The following NAV2 variants were observed in gnomAD, a reference collection of about 807,000 sequenced individuals.
NAV2 encodes the protein helicase, APC down-regulated 1.
Under a neutral mutation model 223.2 loss-of-function variants are expected in NAV2, and 54 were observed. The observed-to-expected ratio is 0.24, with a 90% CI of 0.19 to 0.30. NAV2 has a LOEUF of 0.30. Ranked by LOEUF, NAV2 falls within the 10% of genes least tolerant of loss-of-function variation. The pLI is 1.00. For missense variants in NAV2, 2,806 were observed against 3,147.5 expected (o/e 0.89, Z 2.60); for synonymous variants, 1,279 against 1,239.3 (o/e 1.03, Z -0.67).
intron 11 of NAV2, among the ~76,000 whole-genome samples, chr11:20,009,966 T>A (rs1376604830): frequency 1.3e-5 from 2 of 151,618 alleles, no homozygotes; most frequent in Non-Finnish European, 2.9e-5. Flanking sequence ...AAATACATCC[T>A]ATTATAACTG....
At chr11:19,549,817 C>A (rs1163992653) in intron 1 of NAV2, among the ~76,000 whole-genome samples, 2 of 152,256 alleles carry the variant, frequency 1.3e-5, no homozygotes, top group African/African-American at 4.8e-5. Context: ...TCTGCCCCAC[C>A]AAGGGCACCA....
chr11:19,864,170 C>G (rs2061954711), intron 3 of NAV2, among the ~76,000 whole-genome samples: 1 of 152,352 alleles, frequency 6.6e-6, no homozygotes, highest in East Asian at 1.9e-4. Flanking sequence ...CTGTTTGCCT[C>G]TCCTTCCAGA....
At chr11:19,747,471 G>A (rs2053469902) in intron 1 of NAV2, among the ~76,000 whole-genome samples, 1 of 152,116 alleles carries the variant, frequency 6.6e-6, no homozygotes, top group African/African-American at 2.4e-5. Context: ...AGCAGATATA[G>A]GAGTCAAATT....
intron 1 of NAV2, among the ~76,000 whole-genome samples, chr11:19,373,082 T>C (rs778801201): frequency 6.6e-6 from 1 of 152,236 alleles, no homozygotes; most frequent in Non-Finnish European, 1.5e-5. Context: ...CATCTTTCCA[T>C]GTGATGTTCA....
intron 1 of NAV2, among the ~76,000 whole-genome samples, chr11:19,682,916 A>G (rs1039362881): frequency 6.6e-6 from 1 of 152,162 alleles, no homozygotes; most frequent in Non-Finnish European, 1.5e-5. Flanking sequence ...CATTTTGCCC[A>G]TTTTTCAGAT....
At chr11:20,044,297 C>G (rs1442154711) in intron 13 of NAV2, 25 bp downstream of exon 13, 1 of 1,575,966 alleles carries the variant, frequency 6.3e-7, no homozygotes, top group Admixed American at 1.8e-5. Context: ...CTGTCTTGGC[C>G]CTACAGTTGA....
intron 1 of NAV2, among the ~76,000 whole-genome samples, chr11:19,463,885 C>T (rs933344775): frequency 4.6e-5 from 7 of 151,980 alleles, no homozygotes; most frequent in African/African-American, 9.7e-5. Context: ...CCTTCCTGGC[C>T]ATGCTGAAGT....
chr11:19,621,106 G>T (rs908490030), intron 1 of NAV2, among the ~76,000 whole-genome samples: 1 of 152,198 alleles, frequency 6.6e-6, no homozygotes, highest in Non-Finnish European at 1.5e-5. Flanking sequence ...TCCCAGGAAA[G>T]AAGCCCACTT....
chr11:19,366,296 G>A (rs1403497474), intron 1 of NAV2, among the ~76,000 whole-genome samples: 2 of 152,200 alleles, frequency 1.3e-5, no homozygotes, highest in Non-Finnish European at 2.9e-5. Context: ...CCCAAAGACT[G>A]TGCCCCTCTG....
chr11:19,809,779 A>G (rs958221023), intron 1 of NAV2, among the ~76,000 whole-genome samples: 4 of 125,494 alleles, frequency 3.2e-5, no homozygotes, highest in African/African-American at 9.9e-5. Context: ...TAGAATGGAC[A>G]TCATCGCTAT....
At position 19,661,500 on chromosome 11, in the gene NAV2, G is replaced by A. The variant is rs555932174; in HGVS notation, c.76-170984G>A. On this transcript the variant is annotated intron_variant, in intron 1 of 37. Coordinates refer to the NAV2 transcript ENST00000360655. ...GTACAGTATTTAAACTTGTCAGAGC[G>A]CTTTGAAACTAAGGTGTAAAGGAAA... Among the ~76,000 whole-genome samples the A allele has an allele frequency of 5.4e-5, 8 of 148,462 alleles. No individual in the cohort carries two copies. In the South Asian group the frequency reaches 1.1e-3, roughly 21 times the overall value.
chr11:19,956,621 G>A (rs1047668011), intron 10 of NAV2, among the ~76,000 whole-genome samples: 6 of 152,148 alleles, frequency 3.9e-5, no homozygotes, highest in Admixed American at 2.0e-4. Flanking sequence ...GCCAGATGAA[G>A]AGGTGCATAG....
At chr11:19,616,159 G>T (rs896509977) in intron 1 of NAV2, among the ~76,000 whole-genome samples, 8 of 152,062 alleles carry the variant, frequency 5.3e-5, no homozygotes, top group Non-Finnish European at 1.2e-4. Context: ...TAGACTGTAT[G>T]AATGTGTATT....
At chr11:20,114,566 A>G in intron 36 of NAV2, 26 bp from the exon 37 acceptor site, 1 of 1,611,940 alleles carries the variant, frequency 6.2e-7, no homozygotes, top group South Asian at 1.1e-5. Context: ...CCACTTCCAG[A>G]CTGTTCCTTC....
chr11:19,785,937 TC>T (rs1207933679), intron 1 of NAV2, among the ~76,000 whole-genome samples: 2 of 152,162 alleles, frequency 1.3e-5, no homozygotes, highest in Non-Finnish European at 2.9e-5. Flanking sequence ...CCTTTCTCCT[TC>T]CCAAGGTGCT....
chr11:19,587,690 C>A (rs993924688), intron 1 of NAV2, among the ~76,000 whole-genome samples: 1 of 152,128 alleles, frequency 6.6e-6, no homozygotes, highest in Non-Finnish European at 1.5e-5. Flanking sequence ...TGAAAGTAAG[C>A]AATGGAGCTA....
chr11:19,871,891 A>G (rs1049803746), intron 4 of NAV2, among the ~76,000 whole-genome samples: 1 of 152,090 alleles, frequency 6.6e-6, no homozygotes, highest in Non-Finnish European at 1.5e-5. Flanking sequence ...CTTGACTTCA[A>G]GGGGCCCAAG....
At chr11:19,770,021 C>T (rs1279873429) in intron 1 of NAV2, among the ~76,000 whole-genome samples, 1 of 151,876 alleles carries the variant, frequency 6.6e-6, no homozygotes, top group African/African-American at 2.4e-5. Context: ...AACCCTCACC[C>T]CCACCAAACC....
chr11:20,047,568 C>A (rs1225239196), intron 14 of NAV2, among the ~76,000 whole-genome samples: 1 of 152,172 alleles, frequency 6.6e-6, no homozygotes, highest in African/African-American at 2.4e-5. Context: ...GAACAAGTTA[C>A]CCTTTGAAGT....
Sources: allele counts gnomAD v4.1 joint callset (sites outside exome capture counted in the v4.1 genomes callset), GRCh38; gene constraint gnomAD v4.1.1; transcripts MANE v1.5; gene names NCBI Gene and HGNC (gene_info 2026-07-23, HGNC 2026-07-21).